AIM2: variants seen among roughly 807,000 people sequenced by gnomAD.
AIM2 encodes interferon-inducible protein AIM2.
A neutral mutation model predicts 27.7 loss-of-function variants in AIM2; 30 were observed. The observed-to-expected ratio is 1.08, with a 90% CI of 0.81 to 1.47. The LOEUF (loss-of-function observed/expected upper bound fraction) is 1.47. AIM2 is among the 40% of genes most tolerant of loss of function. The probability of loss-of-function intolerance (pLI) is 0.00; values close to 1 mark genes in which losing one functional copy is unlikely to be tolerated. For synonymous variants in AIM2, 141 were observed against 145.3 expected, an observed-to-expected ratio of 0.97 and a Z score of 0.21; for missense variants, 358 against 411.3, an observed-to-expected ratio of 0.87 and a Z score of 1.12.
downstream of AIM2, among the ~76,000 whole-genome samples, chr1:159,060,594 A>T (rs1410287070): frequency 6.6e-6 from 1 of 152,220 alleles, no homozygotes; most frequent in Non-Finnish European, 1.5e-5. Context: ...GAAACCACTG[A>T]TCTAGTCTTT....
downstream of AIM2, chr1:159,062,437 G>C (rs904351293): frequency 9.7e-6 from 5 of 517,854 alleles, no homozygotes; most frequent in Admixed American, 3.5e-5. Context: ...AAGTATTTTC[G>C]CTTGAGACAA....
intron 1 of AIM2, among the ~76,000 whole-genome samples, chr1:159,095,284 G>A (rs1444124609): frequency 6.6e-6 from 1 of 152,084 alleles, no homozygotes; most frequent in Non-Finnish European, 1.5e-5. Context: ...TATCCTAAGG[G>A]ATTTGTGAAA....
intron 1 of AIM2, among the ~76,000 whole-genome samples, chr1:159,074,732 A>G (rs1464606307): frequency 6.6e-6 from 1 of 152,176 alleles, no homozygotes; most frequent in African/African-American, 2.4e-5. Flanking sequence ...TCCAATAGCA[A>G]CAAAACTACA....
chr1:159,099,478 TCA>T (rs1432034048), intron 1 of AIM2, among the ~76,000 whole-genome samples: 1 of 152,168 alleles, frequency 6.6e-6, no homozygotes, highest in African/African-American at 2.4e-5. Context: ...TTCCACAAGG[TCA>T]CCATAGACCT....
At chr1:159,098,974 A>G (rs1190895264) in intron 1 of AIM2, among the ~76,000 whole-genome samples, 1 of 150,878 alleles carries the variant, frequency 6.6e-6, no homozygotes, top group Non-Finnish European at 1.5e-5. Context: ...AGAGTCTTAA[A>G]AACATAGTGG....
At chr1:159,065,195 C>G (rs957680249) in intron 4 of AIM2, among the ~76,000 whole-genome samples, 1 of 152,140 alleles carries the variant, frequency 6.6e-6, no homozygotes, top group Admixed American at 6.5e-5. Context: ...AGTCATCCCA[C>G]AAGGCTAGTT....
chr1:159,108,619 A>T lies in AIM2; in HGVS notation c.-16+31812T>A, dbSNP rs543429344. 7.6e-4 allele frequency among the ~76,000 whole-genome samples: 115 copies of T among 152,252 alleles called. 1 individual carries two copies. The highest frequency in any genetic ancestry group is 2.7e-3 in the African/African-American group (113 of 41,580). ...AGTCAAACTGTTGCTGTTTGTGGCG[A>T]TATCATAATTTAACTAGAAAACCCT... is the stretch of plus-strand genomic sequence containing the variant. On this transcript the variant is annotated intron_variant, in intron 1 of 2. Transcript: ENST00000368129.
the AIM2 span, among the ~76,000 whole-genome samples, chr1:159,055,721 A>G: frequency 6.6e-5 from 10 of 152,216 alleles, no homozygotes; most frequent in Admixed American, 1.3e-4. Context: ...TTCAGAATAG[A>G]ATAGCAGAAA....
chr1:159,094,410 A>G (rs1160066179), intron 1 of AIM2, among the ~76,000 whole-genome samples: 1 of 152,330 alleles, frequency 6.6e-6, no homozygotes, highest in African/African-American at 2.4e-5. Flanking sequence ...ATTTTAAGAA[A>G]TCAAGGCCAG....
intron 1 of AIM2, among the ~76,000 whole-genome samples, chr1:159,115,982 A>G (rs1368407182): frequency 1.3e-5 from 2 of 150,404 alleles, no homozygotes; most frequent in Admixed American, 6.6e-5. Flanking sequence ...CAACAAATTT[A>G]CAAGAAAAAA....
At chr1:159,070,861 G>A (rs1656328181) in intron 2 of AIM2, among the ~76,000 whole-genome samples, 1 of 152,148 alleles carries the variant, frequency 6.6e-6, no homozygotes, top group Admixed American at 6.5e-5. Context: ...TATGTTCACA[G>A]CATCGGAGAG....
Position 159,107,331 on chromosome 1 carries a change from T to TGC in AIM2, c.-16+33098_-16+33099dup, listed in dbSNP as rs1553219122. Among the ~76,000 whole-genome samples, 158 of 150,254 alleles carry TGC rather than the reference T, an allele frequency of 1.1e-3. 1 individual carries two copies. Among genetic ancestry groups the TGC allele is most frequent in the East Asian group, 6.5e-3 (33 of 5,108 alleles). On this transcript the variant is annotated intron_variant, in intron 1 of 2. Transcript: ENST00000368129. ...ATGTGTGTGTGTGTGTGTGTGTGTG[T>TGC]GCGCGCACTATAGCATGTTACTGAA...
upstream of AIM2, among the ~76,000 whole-genome samples, chr1:159,143,947 A>T (rs1032895965): frequency 6.6e-6 from 1 of 152,204 alleles, no homozygotes; most frequent in Non-Finnish European, 1.5e-5. Flanking sequence ...ACCAAATAAA[A>T]TAACAATTTG....
intron 1 of AIM2, among the ~76,000 whole-genome samples, chr1:159,136,464 C>T (rs1313967826): frequency 6.6e-6 from 1 of 152,096 alleles, no homozygotes; most frequent in South Asian, 2.1e-4. Context: ...AAGTAAATAG[C>T]GAGACCTCAG....
chr1:159,073,138 A>G, intron 2 of AIM2, 100 bp downstream of exon 2: 2 of 1,455,826 alleles, frequency 1.4e-6, no homozygotes, highest in Non-Finnish European at 9.4e-7. Flanking sequence ...AACAAATTCC[A>G]ACAATGTGCA....
downstream of AIM2, among the ~76,000 whole-genome samples, chr1:159,058,210 G>A (rs781433091): frequency 7.9e-5 from 12 of 152,070 alleles, no homozygotes; most frequent in Admixed American, 1.3e-4. Flanking sequence ...TTAGCCAGGC[G>A]TGGTGGTGCA....
chr1:159,096,626 C>T (rs1040550024), intron 1 of AIM2, among the ~76,000 whole-genome samples: 1 of 151,712 alleles, frequency 6.6e-6, no homozygotes, highest in African/African-American at 2.4e-5. Context: ...ATTTCTGTGG[C>T]TTGCCATTTC....
chr1:159,063,412 C>T (rs1655927366), intron 5 of AIM2, 74 bp downstream of exon 5: 3 of 1,413,238 alleles, frequency 2.1e-6, no homozygotes, highest in Non-Finnish European at 2.9e-6. Flanking sequence ...TCAATGGCTC[C>T]AGTCCGGCTT....
downstream of AIM2, among the ~76,000 whole-genome samples, chr1:159,060,079 G>A (rs184688168): frequency 7.9e-4 from 120 of 152,212 alleles, no homozygotes; most frequent in Non-Finnish European, 1.2e-3. Context: ...CACCAAAGCC[G>A]ACATTTTAGG....
Sources: gnomAD v4.1 joint callset for allele counts (sites outside exome capture counted in the v4.1 genomes callset) on GRCh38, gnomAD v4.1.1 for gene constraint, MANE v1.5 for transcripts, NCBI Gene and HGNC (gene_info 2026-07-23, HGNC 2026-07-21) for gene names.